The following UST variants were observed in gnomAD, a reference collection of about 807,000 sequenced individuals.
UST encodes uronyl 2-sulfotransferase, also known as chondroitin sulfate 2-O-sulfotransferase.
In UST, 21 loss-of-function variants were observed where a neutral mutation model predicts 45.6. The observed-to-expected ratio is 0.46, with a 90% CI of 0.33 to 0.66. The LOEUF is 0.66. UST is among the 30% of genes least tolerant of loss of function. UST has a pLI of 0.02. For missense variants in UST, 463 were observed against 512.4 expected (o/e 0.90, Z 0.93); for synonymous variants, 215 against 200.6 (o/e 1.07, Z -0.61).
chr6:148,888,849 G>C (rs1259859094), intron 2 of UST, among the ~76,000 whole-genome samples: 1 of 152,160 alleles, frequency 6.6e-6, no homozygotes, highest in Non-Finnish European at 1.5e-5. Flanking sequence ...CTCTATTCTA[G>C]AGGAGCAAAG....
In UST at chr6:148,796,830, T is replaced by C. The variant is rs1193809114; in HGVS notation, c.247+49153T>C. The stretch of plus-strand genomic sequence containing the variant: ...TTTTTTTTTTTTTTTTGAGATGGAG[T>C]CTCCCTCTGTCACCCAGGCTGGAGT... On this transcript the variant is annotated intron_variant, in intron 1 of 7. Coordinates refer to ENST00000367463, the MANE Select transcript of UST (RefSeq NM_005715.3). Among the ~76,000 whole-genome samples the C allele has an allele frequency of 7.9e-5, 9 of 113,940 alleles. No individual in the cohort carries two copies. In the Admixed American group the frequency reaches 8.1e-4, roughly 10 times the overall value. 74.7% of individuals were successfully genotyped at this position (113,940 alleles called of 152,430 possible). A position where few individuals can be genotyped will look rare whatever the true frequency, so the allele number is the denominator to read the frequency against.
At chr6:148,970,295 T>C in intron 5 of UST, among the ~76,000 whole-genome samples, 1 of 152,164 alleles carries the variant, frequency 6.6e-6, no homozygotes. Flanking sequence ...CCACCTGTGC[T>C]ACCACCAAAC....
intron 1 of UST, among the ~76,000 whole-genome samples, chr6:148,777,869 A>G (rs1190154343): frequency 1.3e-5 from 2 of 152,192 alleles, no homozygotes; most frequent in Non-Finnish European, 2.9e-5. Flanking sequence ...ATATTTAGAT[A>G]CACAAGTACA....
chr6:148,899,745 G>T (rs535272793), intron 2 of UST, among the ~76,000 whole-genome samples: 1 of 152,230 alleles, frequency 6.6e-6, no homozygotes, highest in Non-Finnish European at 1.5e-5. Context: ...CGCCCTGCAC[G>T]TCACTTTCTG....
intron 7 of UST, among the ~76,000 whole-genome samples, chr6:149,026,399 G>C (rs978960574): frequency 2.0e-5 from 3 of 152,186 alleles, no homozygotes; most frequent in African/African-American, 7.2e-5. Context: ...CCACAAAAAT[G>C]TGTAAGTAAG....
At chr6:148,853,994 G>A (rs571419279) in intron 1 of UST, among the ~76,000 whole-genome samples, 14 of 152,256 alleles carry the variant, frequency 9.2e-5, no homozygotes, top group African/African-American at 3.4e-4. Flanking sequence ...ATATAACAAA[G>A]TTCTTTCTTT....
At chr6:149,019,453 G>A (rs1002976346) in intron 6 of UST, among the ~76,000 whole-genome samples, 1 of 152,154 alleles carries the variant, frequency 6.6e-6, no homozygotes, top group Non-Finnish European at 1.5e-5. Flanking sequence ...GGCCTCAGGA[G>A]ACCACCATAT....
At position 148,958,765 on chromosome 6, in the gene UST, G is replaced by A. The variant is rs139922490; in HGVS notation, c.527+4814G>A. 6.9e-3 allele frequency among the ~76,000 whole-genome samples: 1,053 copies of A among 152,170 alleles called. 16 individuals carry two copies. Among genetic ancestry groups the A allele is most frequent in the African/African-American group, 0.024 (1,002 of 41,516 alleles). The stretch of plus-strand genomic sequence containing the variant: ...TTTCTAAGCTTGTATTTTTTGGGGG[G>A]CGTATAAATATTTTTGCAATCTACA... On this transcript the variant is annotated intron_variant, in intron 4 of 7. Transcript: ENST00000367463.
At chr6:148,807,180 G>T (rs1440265089) in intron 1 of UST, among the ~76,000 whole-genome samples, 1 of 152,186 alleles carries the variant, frequency 6.6e-6, no homozygotes, top group Non-Finnish European at 1.5e-5. Context: ...TATGAGTCTG[G>T]TCAGTTCCTC....
rs188535420 is a variant in UST, at chr6:148,954,295, A to G, written c.527+344A>G. Among the ~76,000 whole-genome samples the G allele has an allele frequency of 1.3e-4, 20 of 152,304 alleles. 1 individual carries two copies. Among genetic ancestry groups the G allele is most frequent in the Non-Finnish European group, 2.9e-4 (20 of 68,032 alleles). On this transcript the variant is annotated intron_variant, in intron 4 of 7. Transcript: ENST00000367463. ...ATATTTTATTGCACATTTTTGTACA[A>G]TTTGAACCTGCACAGAACTCTAGAA...
At chr6:148,803,016 TTTA>T (rs371415368) in intron 1 of UST, among the ~76,000 whole-genome samples, 12 of 152,310 alleles carry the variant, frequency 7.9e-5, no homozygotes, top group African/African-American at 2.9e-4. Flanking sequence ...TATGAACATT[TTTA>T]TTATTATCAT....
At chr6:148,894,282 G>C (rs1779076416) in intron 2 of UST, among the ~76,000 whole-genome samples, 1 of 152,206 alleles carries the variant, frequency 6.6e-6, no homozygotes, top group Non-Finnish European at 1.5e-5. Context: ...CCTAACCCCA[G>C]AATCTGTGAG....
chr6:149,048,608 A>G (rs1454602195), intron 7 of UST, among the ~76,000 whole-genome samples: 1 of 152,248 alleles, frequency 6.6e-6, no homozygotes, highest in Non-Finnish European at 1.5e-5. Context: ...GCATGTTTAA[A>G]ACATACTTAA....
At chr6:148,928,898 G>A (rs1034815710) in intron 2 of UST, among the ~76,000 whole-genome samples, 1 of 152,144 alleles carries the variant, frequency 6.6e-6, no homozygotes, top group Non-Finnish European at 1.5e-5. Flanking sequence ...TTTCAGTGTG[G>A]GAAGCAATGT....
At chr6:149,014,873 C>T (rs2486416) in intron 5 of UST, among the ~76,000 whole-genome samples, 139,702 of 152,216 alleles carry the variant, frequency 0.92, 64,468 homozygotes, top group Non-Finnish European at 0.95. Context: ...TATCAGGTGC[C>T]CCATTGTTAT....
intron 1 of UST, among the ~76,000 whole-genome samples, chr6:148,770,477 C>A (rs1449504203): frequency 6.6e-6 from 1 of 151,756 alleles, no homozygotes; most frequent in Non-Finnish European, 1.5e-5. Flanking sequence ...AAGGTAGGCG[C>A]CTACAGTAAA....
At chr6:149,043,070 TTTC>T (rs1776348666) in intron 7 of UST, among the ~76,000 whole-genome samples, 1 of 145,950 alleles carries the variant, frequency 6.9e-6, no homozygotes, top group Non-Finnish European at 1.5e-5. Context: ...TCCTTCTTTC[TTTC>T]TTTCTTTCTT....
intron 7 of UST, among the ~76,000 whole-genome samples, chr6:149,064,214 T>C (rs999996283): frequency 6.6e-6 from 1 of 152,142 alleles, no homozygotes; most frequent in African/African-American, 2.4e-5. Context: ...TCCCTTAGAC[T>C]GTGAGCTCCA....
At chr6:149,058,291 T>C (rs936624833) in intron 7 of UST, among the ~76,000 whole-genome samples, 1 of 151,662 alleles carries the variant, frequency 6.6e-6, no homozygotes, top group Non-Finnish European at 1.5e-5. Context: ...GGGCTAGATG[T>C]AGGTAATGAA....
Sources: gnomAD v4.1 joint callset for allele counts (sites outside exome capture counted in the v4.1 genomes callset) on GRCh38, gnomAD v4.1.1 for gene constraint, MANE v1.5 for transcripts, NCBI Gene and HGNC (gene_info 2026-07-23, HGNC 2026-07-21) for gene names.